Variants in RBM24 observed in about 807,000 individuals in gnomAD.
RBM24 encodes RNA-binding protein 24.
RBM24 carries 5 observed loss-of-function variants against 23.6 expected under a neutral mutation model. The observed-to-expected ratio is 0.21, with a 90% CI of 0.11 to 0.45. RBM24 has a LOEUF of 0.45. Ranked by LOEUF, RBM24 falls within the 20% of genes least tolerant of loss-of-function variation. The pLI is 0.99. For missense variants in RBM24, 252 were observed against 314.6 expected, an observed-to-expected ratio of 0.80 and a Z score of 1.51; for synonymous variants, 151 against 129.5, an observed-to-expected ratio of 1.17 and a Z score of -1.13.
chr6:17,284,641 T>G lies in RBM24; in HGVS notation c.293-16T>G. The G allele has an allele frequency of 6.2e-7, 1 of 1,602,742 alleles. No individual in the cohort carries two copies. The highest frequency in any genetic ancestry group is 8.5e-7 in the Non-Finnish European group (1 of 1,171,602). ...AACCATGCACAAATAAAGAATGTGG[T>G]ATATTTTGTTGTTAGGTTTTGCCTT... On this transcript the variant is annotated splice_polypyrimidine_tract_variant and intron_variant, in intron 2 of 3. Coordinates refer to ENST00000379052, the MANE Select transcript of RBM24 (RefSeq NM_001143942.2).
chr6:17,289,509 G>T, intron 3 of RBM24: 2 of 985,350 alleles, frequency 2.0e-6, no homozygotes, highest in Non-Finnish European at 2.4e-6. Flanking sequence ...CAGAGCTAAA[G>T]CCCCCTAAGC....
chr6:17,289,442 A>G (rs1029696056), intron 3 of RBM24: 1 of 985,378 alleles, frequency 1.0e-6, no homozygotes, highest in Non-Finnish European at 1.2e-6. Context: ...AACTTTCTTT[A>G]TATTCTCATT....
chr6:17,283,109 G>T, intron 2 of RBM24, 181 bp downstream of exon 2: 1 of 557,286 alleles, frequency 1.8e-6, no homozygotes, highest in Non-Finnish European at 3.2e-6. Flanking sequence ...TCCTCTCAAG[G>T]CTTGAAATGT....
intron 2 of RBM24, 136 bp downstream of exon 2, chr6:17,283,064 C>A: frequency 1.6e-6 from 1 of 644,368 alleles, no homozygotes; most frequent in Non-Finnish European, 2.7e-6. Flanking sequence ...TGTTATTCTA[C>A]CAAGGCATTA....
chr6:17,282,149 C>A, intron 1 of RBM24: 3 of 1,237,942 alleles, frequency 2.4e-6, no homozygotes, highest in Non-Finnish European at 3.1e-6. Flanking sequence ...TTGGCTGGGG[C>A]AGGGAGGGGA....
intron 3 of RBM24, chr6:17,289,837 G>C (rs1760300964): frequency 9.0e-7 from 1 of 1,107,628 alleles, no homozygotes; most frequent in Admixed American, 4.4e-5. Context: ...ATAAGAGTAG[G>C]CTCTCTTAGC....
At chr6:17,291,582 G>T (rs1760358877) in intron 3 of RBM24, among the ~76,000 whole-genome samples, 174 bp from the exon 4 acceptor site, 1 of 152,050 alleles carries the variant, frequency 6.6e-6, no homozygotes, top group Non-Finnish European at 1.5e-5. Flanking sequence ...TCTTCTGGGG[G>T]CACTCTATGA....
intron 3 of RBM24, chr6:17,289,622 C>G: frequency 1.0e-6 from 1 of 985,346 alleles, no homozygotes; most frequent in Non-Finnish European, 1.2e-6. Context: ...ACCTAGCACC[C>G]ACAGTGTTGT....
At position 17,281,520 on chromosome 6, in the gene RBM24, G is replaced by A. The variant is rs968314204; in HGVS notation, c.-62G>A. 4.9e-6 allele frequency: 7 copies of A among 1,416,522 alleles called. No individual in the cohort carries two copies. Among genetic ancestry groups the A allele is most frequent in the African/African-American group, 1.5e-5 (1 of 65,628 alleles). 87.7% of individuals were successfully genotyped at this position (1,416,522 alleles called of 1,614,324 possible). ...CGGGAGACGCGGAGCCGGAGGAGGA[G>A]GCGCAGCCGCTGCCCGAGCCGCAGC... On this transcript the variant is annotated 5_prime_UTR_variant, in exon 1 of 4. Coordinates refer to ENST00000379052, the MANE Select transcript of RBM24 (RefSeq NM_001143942.2). The surrounding 1 kb of genome is among the most constrained non-coding windows in gnomAD (Gnocchi z 7.1).
chr6:17,290,677 T>A (rs1341781805), intron 3 of RBM24, among the ~76,000 whole-genome samples: 1 of 152,222 alleles, frequency 6.6e-6, no homozygotes, highest in Non-Finnish European at 1.5e-5. Flanking sequence ...AACGTATTTC[T>A]GCTAATTTGG....
intron 3 of RBM24, among the ~76,000 whole-genome samples, chr6:17,286,961 G>A (rs1394991527): frequency 6.6e-6 from 1 of 152,212 alleles, no homozygotes; most frequent in Non-Finnish European, 1.5e-5. Context: ...ATGGAAATTT[G>A]AAAGCAAGTG....
In RBM24 at chr6:17,281,597, A is replaced by G; in HGVS notation, c.16A>G (p.Lys6Glu). 6.5e-7 allele frequency: 1 copy of G among 1,546,388 alleles called. No individual in the cohort carries two copies. Residue 6 changes from lysine (K) to glutamate (E), a missense_variant, in exon 1 of 4, where the codon AAG (lysine) becomes GAG (glutamate). Lys to Glu is a moderately conservative substitution (Grantham distance 56). Transcript: ENST00000379052. This position sits in a 1 kb window ranked among gnomAD's most constrained non-coding sequence, Gnocchi z 7.1. ...GGGTGCGAAGATGCACACGACCCAG[A>G]AGGACACGACGTACACCAAGATCTT... MHTTQ[K>E]DTTYTKIFVG... is the part of the protein sequence containing the mutation.
At chr6:17,282,015 G>C (rs1182563958) in intron 1 of RBM24, 6 of 1,325,876 alleles carry the variant, frequency 4.5e-6, no homozygotes, top group African/African-American at 4.5e-5. Context: ...CTGTAATGAC[G>C]GCGGGATTTG....
intron 2 of RBM24, 161 bp downstream of exon 2, chr6:17,283,089 T>C: frequency 1.7e-6 from 1 of 593,762 alleles, no homozygotes; most frequent in South Asian, 2.2e-5. Context: ...TAAATGAGAG[T>C]TGTAAATACT....
At position 17,292,062 on chromosome 6, in the gene RBM24, C is replaced by T. The variant is rs773851023; in HGVS notation, c.654C>T (p.Ala218=). The part of the protein sequence containing the change: ...TAAAAAAAAA[A]AAAFGQYQPQ... ...CCGCCGCCGCTGCAGCAGCTGCTGC[C>T]GCTGCAGCATTTGGCCAGTACCAGC... Residue 218 remains alanine, a synonymous_variant, in exon 4 of 4, where the codon GCC becomes GCT. Transcript: ENST00000379052. 4.5e-5 allele frequency: 72 copies of T among 1,591,602 alleles called. 1 individual carries two copies. The South Asian group carries it at 5.1e-4, about 11-fold the overall frequency.
At chr6:17,290,782 T>G in intron 3 of RBM24, 1 of 1,023,796 alleles carries the variant, frequency 9.8e-7, no homozygotes, top group Non-Finnish European at 1.3e-6. Context: ...TTAGTTGTAC[T>G]TCCCTGTCCT....
chr6:17,284,598 T>G, intron 2 of RBM24, 59 bp from the exon 3 acceptor site: 6 of 1,292,514 alleles, frequency 4.6e-6, no homozygotes, highest in Non-Finnish European at 6.6e-6. Context: ...ATTTTACATG[T>G]AGGAATAATA....
Position 17,281,706 on chromosome 6 carries a change from T to G in RBM24, c.125T>G (p.Val42Gly). 6.4e-7 allele frequency: 1 copy of G among 1,551,916 alleles called. No individual in the cohort carries two copies. The highest frequency in any genetic ancestry group is 8.7e-7 in the Non-Finnish European group (1 of 1,147,386). Residue 42 changes from valine to glycine, a missense_variant, in exon 1 of 4, where the codon GTC becomes GGC. Physicochemically the swap from Val to Gly is moderately radical, Grantham distance 109 (BLOSUM62 -3). Coordinates refer to ENST00000379052, the MANE Select transcript of RBM24 (RefSeq NM_001143942.2). The surrounding 1 kb of genome is among the most constrained non-coding windows in gnomAD (Gnocchi z 7.1). ...EVFGEIEEAV[V>G]ITDRQTGKSR... is the part of the protein sequence containing the mutation. ...TTCGGCGAGATCGAGGAGGCGGTGG[T>G]CATCACCGACCGGCAGACGGGCAAG...
intron 3 of RBM24, among the ~76,000 whole-genome samples, chr6:17,290,474 T>C (rs1358190645): frequency 3.3e-5 from 5 of 152,224 alleles, no homozygotes; most frequent in African/African-American, 1.2e-4. Context: ...CTCTTGTGAT[T>C]TATTTTTTTA....
Sources: allele counts gnomAD v4.1 joint callset (sites outside exome capture counted in the v4.1 genomes callset), GRCh38; gene constraint gnomAD v4.1.1; non-coding constraint Gnocchi (gnomAD v3.1); transcripts MANE v1.5; gene names NCBI Gene and HGNC (gene_info 2026-07-23, HGNC 2026-07-21).